VEPH1: variants seen among roughly 807,000 people sequenced by gnomAD.
The protein encoded by VEPH1 is ventricular zone-expressed PH domain-containing protein homolog 1.
VEPH1 carries 80 observed loss-of-function variants against 85.2 expected under a neutral mutation model. The ratio of observed to expected loss-of-function variants is 0.94; its 90% CI spans 0.78 to 1.13. VEPH1 has a LOEUF of 1.13. Among genes scored for constraint, VEPH1 ranks in the 50% most tolerant of loss-of-function variants. The probability of loss-of-function intolerance (pLI) is 0.00; values close to 1 mark genes in which losing one functional copy is unlikely to be tolerated. For missense variants in VEPH1, 955 were observed against 980.5 expected, an observed-to-expected ratio of 0.97 and a Z score of 0.35; for synonymous variants, 297 against 348.0, an observed-to-expected ratio of 0.85 and a Z score of 1.63.
chr3:157,444,708 G>C (rs1298992005), intron 4 of VEPH1, among the ~76,000 whole-genome samples: 1 of 152,306 alleles, frequency 6.6e-6, no homozygotes, highest in East Asian at 1.9e-4. Context: ...ATGTTTAAGT[G>C]ATGCCAGATG....
At chr3:157,265,440 A>G in intron 13 of VEPH1, 86 bp downstream of exon 13, 1 of 1,422,530 alleles carries the variant, frequency 7.0e-7, no homozygotes, top group South Asian at 1.4e-5. Flanking sequence ...AAATTATTAG[A>G]GTTTAAACCC....
chr3:157,439,954 G>C (rs1399698410), intron 4 of VEPH1, among the ~76,000 whole-genome samples: 7 of 152,112 alleles, frequency 4.6e-5, no homozygotes, highest in Non-Finnish European at 1.0e-4. Flanking sequence ...GTTTCACCGT[G>C]TTAGCCAGGA....
chr3:157,361,153 G>C (rs1012616183), intron 9 of VEPH1, among the ~76,000 whole-genome samples: 1 of 152,080 alleles, frequency 6.6e-6, no homozygotes, highest in African/African-American at 2.4e-5. Context: ...GATTTTGATG[G>C]AATTTTATTG....
chr3:157,327,126 A>G (rs1721990348), intron 9 of VEPH1, among the ~76,000 whole-genome samples: 1 of 152,080 alleles, frequency 6.6e-6, no homozygotes, highest in Non-Finnish European at 1.5e-5. Context: ...AGACCCCTGG[A>G]CCGGCCCATG....
chr3:157,436,042 G>A (rs1733548636), intron 4 of VEPH1, among the ~76,000 whole-genome samples: 1 of 152,066 alleles, frequency 6.6e-6, no homozygotes, highest in Non-Finnish European at 1.5e-5. Context: ...TTTGGGAGGC[G>A]AAGGCGGGTG....
chr3:157,373,313 C>A (rs957281440), intron 7 of VEPH1, among the ~76,000 whole-genome samples: 5 of 152,120 alleles, frequency 3.3e-5, no homozygotes, highest in Non-Finnish European at 5.9e-5. Flanking sequence ...GCACGGTAAC[C>A]AAGAAGAGTT....
At chr3:157,442,353 CT>C (rs1289912746) in intron 4 of VEPH1, 4 of 1,553,022 alleles carry the variant, frequency 2.6e-6, no homozygotes, top group African/African-American at 2.8e-5. Context: ...TTCTTATTTT[CT>C]TGCTACTCTA....
chr3:157,437,804 G>A (rs373009649), intron 4 of VEPH1: 4 of 1,460,870 alleles, frequency 2.7e-6, no homozygotes, highest in African/African-American at 1.5e-5. Context: ...GAGGCGCAGC[G>A]CCCAGAGGAG....
At chr3:157,377,051 C>A (rs1454623377) in intron 7 of VEPH1, among the ~76,000 whole-genome samples, 2 of 152,122 alleles carry the variant, frequency 1.3e-5, no homozygotes, top group South Asian at 2.1e-4. Context: ...GGAGAGAAGC[C>A]TTAGCAACCA....
At chr3:157,442,753 T>G in intron 4 of VEPH1, 3 of 1,614,178 alleles carry the variant, frequency 1.9e-6, no homozygotes, top group South Asian at 2.2e-5. Context: ...GAGGGAGGAA[T>G]CCTGCAGATT....
intron 13 of VEPH1, among the ~76,000 whole-genome samples, chr3:157,264,776 TATG>T (rs937381888): frequency 3.8e-4 from 58 of 151,764 alleles, no homozygotes; most frequent in African/African-American, 1.3e-3. Context: ...TGCTAGTCAT[TATG>T]ATTATTTTCT....
At position 157,317,216 on chromosome 3, in the gene VEPH1, A is replaced by C. The variant is rs1220948955; in HGVS notation, c.1736-15T>G. 1.2e-6 allele frequency: 2 copies of C among 1,604,990 alleles called. No homozygotes were observed. The highest frequency in any genetic ancestry group is 2.2e-5 in the South Asian group (2 of 89,066). On this transcript the variant is annotated splice_polypyrimidine_tract_variant and intron_variant, in intron 9 of 13. Transcript: ENST00000362010. ...TCTCACAGTGTCTAGAAACAAATAC[A>C]TATAGCGTTAAACGTTATGGTCTTT... is the stretch of plus-strand genomic sequence containing the variant.
intron 6 of VEPH1, among the ~76,000 whole-genome samples, chr3:157,389,672 T>C (rs547100086): frequency 4.0e-5 from 6 of 151,692 alleles, no homozygotes; most frequent in African/African-American, 1.5e-4. Context: ...GATAGATAGA[T>C]AGATAGATAG....
chr3:157,414,183 G>T (rs1731729147), intron 5 of VEPH1, 93 bp from the exon 6 acceptor site: 4 of 973,900 alleles, frequency 4.1e-6, no homozygotes, highest in Non-Finnish European at 6.1e-6. Context: ...AACTTTTTTT[G>T]CATTAAACCT....
chr3:157,432,116 G>A lies in VEPH1; in HGVS notation c.530-3628C>T, dbSNP rs976598070. ...GCCCGCCTCAGCCTCTCAAAGTGCT[G>A]GGATTACAGGCGTGAGCCACCACAC... On this transcript the variant is annotated intron_variant, in intron 4 of 13. Coordinates refer to ENST00000362010, the MANE Select transcript of VEPH1 (RefSeq NM_001167912.2). Among the ~76,000 whole-genome samples the A allele has an allele frequency of 3.9e-5, 6 of 152,138 alleles. No homozygotes were observed. The East Asian group carries it at 9.6e-4, about 24-fold the overall frequency.
At chr3:157,463,300 C>T (rs993341058) in intron 3 of VEPH1, among the ~76,000 whole-genome samples, 15 of 152,194 alleles carry the variant, frequency 9.9e-5, no homozygotes, top group African/African-American at 3.6e-4. Flanking sequence ...TACTCCATAA[C>T]CTAACCTGAT....
chr3:157,425,566 C>G (rs1201812566), intron 5 of VEPH1, among the ~76,000 whole-genome samples: 3 of 152,168 alleles, frequency 2.0e-5, no homozygotes, highest in African/African-American at 7.2e-5. Flanking sequence ...TTGCGTGGGA[C>G]CTGTAGCCCC....
At chr3:157,263,400 A>T (rs1713176265) in intron 13 of VEPH1, among the ~76,000 whole-genome samples, 1 of 152,206 alleles carries the variant, frequency 6.6e-6, no homozygotes, top group South Asian at 2.1e-4. Context: ...CAGAAAGTAT[A>T]AAGGTCATTA....
At chr3:157,297,274 A>G (rs971108854) in intron 11 of VEPH1, among the ~76,000 whole-genome samples, 1 of 152,202 alleles carries the variant, frequency 6.6e-6, no homozygotes, top group African/African-American at 2.4e-5. Context: ...AAACATATTT[A>G]GTTTTCTAAA....
Sources: gnomAD v4.1 joint callset for allele counts (sites outside exome capture counted in the v4.1 genomes callset) on GRCh38, gnomAD v4.1.1 for gene constraint, MANE v1.5 for transcripts, NCBI Gene and HGNC (gene_info 2026-07-23, HGNC 2026-07-21) for gene names.